Variants in PRKN observed in about 807,000 individuals in gnomAD.
The protein encoded by PRKN is parkin RBR E3 ubiquitin protein ligase, also known as E3 ubiquitin-protein ligase parkin.
A neutral mutation model predicts 59.5 loss-of-function variants in PRKN; 56 were observed. The observed-to-expected ratio is 0.94, with a 90% CI of 0.76 to 1.18. The LOEUF (loss-of-function observed/expected upper bound fraction) is 1.18, where lower values mean the gene tolerates loss of function less well. Among genes scored for constraint, PRKN ranks in the 50% most tolerant of loss-of-function variants. The pLI, the probability that PRKN is intolerant of heterozygous loss-of-function variation, is 0.00. For synonymous variants in PRKN, 250 were observed against 222.1 expected (o/e 1.13, Z -1.12); for missense variants, 657 against 596.4 (o/e 1.10, Z -1.06).
At chr6:162,162,329 T>C (rs78316447) in intron 4 of PRKN, among the ~76,000 whole-genome samples, 1 of 152,174 alleles carries the variant, frequency 6.6e-6, no homozygotes, top group South Asian at 2.1e-4. Context: ...CGGAAGGATA[T>C]GCGTAGGTTA....
chr6:162,704,869 C>T (rs1225840194), intron 1 of PRKN, among the ~76,000 whole-genome samples: 1 of 151,966 alleles, frequency 6.6e-6, no homozygotes, highest in Non-Finnish European at 1.5e-5. Context: ...TTATAAAAAT[C>T]TACAAGAAAA....
At chr6:162,147,273 G>A (rs1008345202) in intron 4 of PRKN, among the ~76,000 whole-genome samples, 7 of 150,372 alleles carry the variant, frequency 4.7e-5, no homozygotes, top group Admixed American at 2.0e-4. Context: ...AACCTGGGAG[G>A]TGGAGGCTGC....
intron 5 of PRKN, among the ~76,000 whole-genome samples, chr6:162,037,781 G>A (rs927314067): frequency 6.6e-6 from 1 of 151,822 alleles, no homozygotes; most frequent in Non-Finnish European, 1.5e-5. Context: ...TCTTGACCTC[G>A]TGATCCACCC....
At chr6:162,512,082 T>C (rs1206966641) in intron 1 of PRKN, among the ~76,000 whole-genome samples, 2 of 144,080 alleles carry the variant, frequency 1.4e-5, no homozygotes, top group African/African-American at 2.4e-5. Context: ...ACAGGAAGTG[T>C]GTAAATGGAT....
intron 6 of PRKN, among the ~76,000 whole-genome samples, chr6:161,888,773 T>G (rs1320562155): frequency 2.0e-5 from 3 of 152,160 alleles, no homozygotes; most frequent in Non-Finnish European, 2.9e-5. Context: ...TACTAGAACC[T>G]TCAATCCATT....
chr6:162,645,389 A>C (rs1244586048), intron 1 of PRKN, among the ~76,000 whole-genome samples: 2 of 152,216 alleles, frequency 1.3e-5, no homozygotes, highest in Non-Finnish European at 2.9e-5. Flanking sequence ...GCAAACAGTC[A>C]CTCAGTTATG....
chr6:161,881,013 A>T (rs1794915832), intron 6 of PRKN, among the ~76,000 whole-genome samples: 1 of 152,190 alleles, frequency 6.6e-6, no homozygotes, highest in African/African-American at 2.4e-5. Flanking sequence ...TCATAGTTAA[A>T]GACATATTTT....
intron 5 of PRKN, among the ~76,000 whole-genome samples, chr6:161,978,058 A>T (rs924582233): frequency 1.3e-5 from 2 of 150,390 alleles, no homozygotes; most frequent in African/African-American, 2.5e-5. Flanking sequence ...ATTTTATTTT[A>T]TTTTTTTGAG....
At chr6:162,387,982 T>A (rs1786942518) in intron 2 of PRKN, among the ~76,000 whole-genome samples, 1 of 152,138 alleles carries the variant, frequency 6.6e-6, no homozygotes. Context: ...AAGGTCCTTG[T>A]AAAACACACG....
rs537205784 is a variant in PRKN at position 161,663,256 on chromosome 6, G to T, written c.872-93840C>A. 6.6e-5 allele frequency among the ~76,000 whole-genome samples: 10 copies of T among 151,968 alleles called. No homozygotes were observed. The East Asian group carries it at 1.7e-3, about 27-fold the overall frequency. On this transcript the variant is annotated intron_variant, in intron 7 of 11. Transcript: ENST00000366898. ...ATGAGAATAGACTAATACATGTGGC[G>T]GTGGCAAGTGCAGCAGCCTCTGGGG...
chr6:161,547,846 C>G lies in PRKN; in HGVS notation c.1083+1008G>C, dbSNP rs1302679161. Among the ~76,000 whole-genome samples the G allele has an allele frequency of 6.6e-6, 1 of 152,182 alleles. No individual in the cohort carries two copies. The highest frequency in any genetic ancestry group is 2.4e-5 in the African/African-American group (1 of 41,444). ...CCAGAGGTATTTCTTTCCACTTAGGCACCATGGTATCTCATTATTTTTCAA... is the reference window on the plus strand; with the variant it reads ...CCAGAGGTATTTCTTTCCACTTAGGGACCATGGTATCTCATTATTTTTCAA... On this transcript the variant is annotated intron_variant, in intron 9 of 11. Transcript: ENST00000366898. This position sits in a 1 kb window ranked among gnomAD's most constrained non-coding sequence, Gnocchi z 4.0.
intron 5 of PRKN, among the ~76,000 whole-genome samples, chr6:161,975,498 A>G (rs1780993514): frequency 6.6e-6 from 1 of 152,184 alleles, no homozygotes. Context: ...TTTGACAGCA[A>G]CATTTGATTT....
At chr6:162,112,647 G>A (rs1338649000) in intron 4 of PRKN, among the ~76,000 whole-genome samples, 1 of 152,008 alleles carries the variant, frequency 6.6e-6, no homozygotes, top group African/African-American at 2.4e-5. Context: ...CGGGCGCAGT[G>A]GCTCATGTGT....
chr6:162,144,612 G>A (rs1364256105), intron 4 of PRKN, among the ~76,000 whole-genome samples: 1 of 152,128 alleles, frequency 6.6e-6, no homozygotes, highest in Non-Finnish European at 1.5e-5. Context: ...CCCACCCCCA[G>A]GTCAACCTTT....
chr6:162,125,023 C>T (rs994629032), intron 4 of PRKN, among the ~76,000 whole-genome samples: 5 of 152,092 alleles, frequency 3.3e-5, no homozygotes, highest in Non-Finnish European at 7.4e-5. Flanking sequence ...GAAGCTCTGC[C>T]GGCATCAAGT....
chr6:162,261,084 C>A (rs1412034483), intron 3 of PRKN, among the ~76,000 whole-genome samples: 5 of 152,030 alleles, frequency 3.3e-5, no homozygotes, highest in African/African-American at 9.7e-5. Context: ...TCTTCAATGG[C>A]AAAGGAAGAA....
rs553927046 is a variant in PRKN, at chr6:162,058,957, G to GA, written c.535-4784dup. ...ACAGAGTGAGACTCTGCCTCAACAAGAAAAAAAAAAAAAAAAAAAAGAAGT... is the reference window on the plus strand; with the variant it reads ...ACAGAGTGAGACTCTGCCTCAACAAGAAAAAAAAAAAAAAAAAAAAAGAAGT... On this transcript the variant is annotated intron_variant, in intron 4 of 11. Transcript: ENST00000366898. Among the ~76,000 whole-genome samples the GA allele has an allele frequency of 3.3e-3, 291 of 87,270 alleles. 2 individuals are homozygous for GA. The highest frequency in any genetic ancestry group is 9.1e-3 in the Middle Eastern group (1 of 110). The allele number at this position is 87,270 out of a possible 152,430, so 57.3% of individuals were successfully genotyped here. A position where few individuals can be genotyped will look rare whatever the true frequency, so the allele number is the denominator to read the frequency against.
chr6:162,293,184 A>T (rs1468418513), intron 2 of PRKN, among the ~76,000 whole-genome samples: 1 of 152,182 alleles, frequency 6.6e-6, no homozygotes, highest in Non-Finnish European at 1.5e-5. Flanking sequence ...AGAGGCCAAT[A>T]AGACAGAAGC....
intron 1 of PRKN, among the ~76,000 whole-genome samples, chr6:162,616,440 A>C (rs1047073402): frequency 1.3e-5 from 2 of 152,104 alleles, no homozygotes; most frequent in African/African-American, 4.8e-5. Context: ...TACCCCATTA[A>C]ATGCCATAAA....
Sources: allele counts gnomAD v4.1 joint callset (sites outside exome capture counted in the v4.1 genomes callset), GRCh38; gene constraint gnomAD v4.1.1; non-coding constraint Gnocchi (gnomAD v3.1); transcripts MANE v1.5; gene names NCBI Gene and HGNC (gene_info 2026-07-23, HGNC 2026-07-21).